The following ZFHX4 variants were observed in gnomAD, a reference collection of about 807,000 sequenced individuals.
The protein encoded by ZFHX4 is zinc finger homeobox 4.
A neutral mutation model predicts 267.6 loss-of-function variants in ZFHX4; 56 were observed. The ratio of observed to expected loss-of-function variants is 0.21; its 90% CI spans 0.17 to 0.26. ZFHX4 has a LOEUF of 0.26. Among genes scored for constraint, ZFHX4 ranks in the 10% least tolerant of loss-of-function variants. The pLI, the probability that ZFHX4 is intolerant of heterozygous loss-of-function variation, is 1.00. For missense variants in ZFHX4, 4,332 were observed against 4,420.0 expected (o/e 0.98, Z 0.56); for synonymous variants, 1,778 against 1,665.6 (o/e 1.07, Z -1.64).
Position 76,853,956 on chromosome 8 carries a change from T to C in ZFHX4, c.7035T>C (p.Asp2345=). 1.2e-6 allele frequency: 2 copies of C among 1,613,664 alleles called. No homozygotes were observed. Among genetic ancestry groups the C allele is most frequent in the Non-Finnish European group, 1.7e-6 (2 of 1,179,834 alleles). Residue 2345 remains aspartate, a synonymous_variant, in exon 10 of 11, where the codon GAT becomes GAC. Coordinates refer to ENST00000651372, the MANE Select transcript of ZFHX4 (RefSeq NM_024721.5). ...AGGATGAAGATGATGATGCCCAAGA[T>C]GAAAGCCAAACAGAAGACTCCATGG... The part of the protein sequence containing the change: ...CYKDEDDDAQ[D]ESQTEDSMDA...
intron 4 of ZFHX4, among the ~76,000 whole-genome samples, chr8:76,791,685 A>G (rs759867052): frequency 5.9e-5 from 9 of 152,148 alleles, no homozygotes; most frequent in Non-Finnish European, 1.3e-4. Context: ...TCTCAGTCTT[A>G]CTATTAAGTG....
chr8:76,833,484 T>C, intron 5 of ZFHX4, 78 bp downstream of exon 5: 2 of 1,140,948 alleles, frequency 1.8e-6, no homozygotes, highest in Non-Finnish European at 2.6e-6. Context: ...ATTGATGGAA[T>C]AAACATTCTC....
intron 4 of ZFHX4, among the ~76,000 whole-genome samples, chr8:76,814,662 G>A (rs1423677365): frequency 6.6e-6 from 1 of 152,134 alleles, no homozygotes; most frequent in African/African-American, 2.4e-5. Context: ...GCATTACTGT[G>A]TTTAATGCCA....
At chr8:76,812,436 A>C (rs1022438646) in intron 4 of ZFHX4, among the ~76,000 whole-genome samples, 4 of 152,210 alleles carry the variant, frequency 2.6e-5, no homozygotes, top group Non-Finnish European at 5.9e-5. Context: ...AGTTCTGTGC[A>C]TATTGTCTAA....
At chr8:76,753,053 G>T (rs1809663385) in intron 3 of ZFHX4, among the ~76,000 whole-genome samples, 1 of 152,154 alleles carries the variant, frequency 6.6e-6, no homozygotes, top group Non-Finnish European at 1.5e-5. Flanking sequence ...AGATAGGGTT[G>T]CAAATAGGGT....
intron 3 of ZFHX4, among the ~76,000 whole-genome samples, chr8:76,744,598 A>G (rs1357124261): frequency 1.3e-5 from 2 of 151,902 alleles, no homozygotes; most frequent in Non-Finnish European, 2.9e-5. Context: ...TTTTTCGTAG[A>G]GACAGGGTTT....
chr8:76,739,861 A>G (rs1260988419), intron 3 of ZFHX4, among the ~76,000 whole-genome samples: 1 of 152,176 alleles, frequency 6.6e-6, no homozygotes, highest in Non-Finnish European at 1.5e-5. Context: ...TTCAGGCTCT[A>G]AAATTATTAA....
Position 76,854,228 on chromosome 8 carries a change from C to G in ZFHX4, c.7307C>G (p.Ser2436Trp), listed in dbSNP as rs948348276. 22 of 1,566,264 alleles carry G rather than the reference C, an allele frequency of 1.4e-5. No homozygotes were observed. The highest frequency in any genetic ancestry group is 1.9e-5 in the Admixed American group (1 of 51,686). ...KPALPLASTSSDPPQASTAQP... is the reference protein window; with the variant it reads ...KPALPLASTSWDPPQASTAQP... ...GCCCTGCCATTAGCATCGACTTCCT[C>G]GGACCCACCACAGGCATCCACAGCC... Residue 2436 changes from serine (S) to tryptophan (W), a missense_variant, in exon 10 of 11, where the codon TCG becomes TGG. Transcript: ENST00000651372.
chr8:76,806,315 T>C (rs1200557764), intron 4 of ZFHX4, among the ~76,000 whole-genome samples: 3 of 152,132 alleles, frequency 2.0e-5, no homozygotes, highest in Non-Finnish European at 4.4e-5. Context: ...GATGGCCGTA[T>C]GAAATTCTTG....
chr8:76,863,761 A>T lies in ZFHX4; in HGVS notation c.10047A>T (p.Thr3349=). ...AGCAGAAACCAGTTCAGGCAAAGAC[A>T]TCCAAAGTAGAAAGTGACCAGCCGC... ...EQQQKPVQAK[T]SKVESDQPQN... is the part of the protein sequence containing the mutation. The change falls in exon 11 of 11, where the codon ACA becomes ACT. Residue 3349 remains threonine (T), a synonymous_variant. Transcript: ENST00000651372. The T allele has an allele frequency of 1.3e-6, 2 of 1,552,824 alleles. No homozygotes were observed. The highest frequency in any genetic ancestry group is 1.7e-6 in the Non-Finnish European group (2 of 1,147,638).
intron 3 of ZFHX4, among the ~76,000 whole-genome samples, chr8:76,758,195 AT>A (rs1809814353): frequency 1.3e-5 from 2 of 152,168 alleles, no homozygotes; most frequent in Non-Finnish European, 1.5e-5. Context: ...AGAAACAGGT[AT>A]GAAAAATGCT....
chr8:76,761,812 G>A (rs1412789460), intron 3 of ZFHX4, among the ~76,000 whole-genome samples: 2 of 152,114 alleles, frequency 1.3e-5, no homozygotes, highest in Non-Finnish European at 2.9e-5. Context: ...CTGCTTTCTG[G>A]CCTGATGTTT....
In ZFHX4 at chr8:76,833,389, A is replaced by G. The variant is rs896700597; in HGVS notation, c.3377A>G (p.Gln1126Arg). Residue 1126 changes from glutamine (Q) to arginine (R), a missense_variant, in exon 5 of 11, where the codon CAG (glutamine) becomes CGG (arginine). By Grantham distance (43) the Gln-to-Arg change is conservative. Coordinates refer to ENST00000651372, the MANE Select transcript of ZFHX4 (RefSeq NM_024721.5). Reference sequence around the variant, plus strand: ...TGTGATGATGATCTTACAGAGCAGCAGTTGAGATCGACCTCAGGTAATGGT... The same window carrying G: ...TGTGATGATGATCTTACAGAGCAGCGGTTGAGATCGACCTCAGGTAATGGT... ...RTCDDDLTEQ[Q>R]LRSTSEEQSE... The G allele has an allele frequency of 3.1e-6, 5 of 1,609,524 alleles. No homozygotes were observed. The highest frequency in any genetic ancestry group is 4.2e-6 in the Non-Finnish European group (5 of 1,177,742).
intron 10 of ZFHX4, among the ~76,000 whole-genome samples, chr8:76,856,745 C>T (rs1308459894): frequency 1.3e-5 from 2 of 151,288 alleles, no homozygotes; most frequent in Non-Finnish European, 2.9e-5. Context: ...TTTGTTTGTC[C>T]CCCCCGCCGC....
At chr8:76,777,225 A>G (rs1810422013) in intron 3 of ZFHX4, among the ~76,000 whole-genome samples, 3 of 152,178 alleles carry the variant, frequency 2.0e-5, no homozygotes, top group Non-Finnish European at 4.4e-5. Flanking sequence ...AAAATGGGGG[A>G]AAAGTTTTTT....
chr8:76,693,081 C>T (rs1370052085), intron 1 of ZFHX4, among the ~76,000 whole-genome samples: 1 of 152,198 alleles, frequency 6.6e-6, no homozygotes, highest in Non-Finnish European at 1.5e-5. Context: ...AATAAAACTG[C>T]AGCCTCCATG....
chr8:76,805,662 G>A (rs1441311631), intron 4 of ZFHX4, among the ~76,000 whole-genome samples: 1 of 149,508 alleles, frequency 6.7e-6, no homozygotes, highest in Non-Finnish European at 1.5e-5. Context: ...GGATTATGTT[G>A]TCCCTTAGAT....
chr8:76,851,745 G>A lies in ZFHX4; in HGVS notation c.4824G>A (p.Leu1608=). ...TTGCATACAGCCAAAGCTCAACATT[G>A]GAAATCCACATGAGGTCTGTGCTCC... ...CNVAYSQSST[L]EIHMRSVLHQ... is the part of the protein sequence containing the mutation. Residue 1608 remains leucine, a synonymous_variant, in exon 10 of 11, where the codon TTG becomes TTA. Coordinates refer to ENST00000651372, the MANE Select transcript of ZFHX4 (RefSeq NM_024721.5). 6.2e-7 allele frequency: 1 copy of A among 1,613,952 alleles called. No homozygotes were observed. Among genetic ancestry groups the A allele is most frequent in the Non-Finnish European group, 8.5e-7 (1 of 1,179,888 alleles).
intron 4 of ZFHX4, among the ~76,000 whole-genome samples, chr8:76,783,350 C>T (rs1292956794): frequency 6.6e-6 from 1 of 151,932 alleles, no homozygotes; most frequent in Non-Finnish European, 1.5e-5. Flanking sequence ...TGCTCGGTTG[C>T]TTTCTGATTT....
Sources: gnomAD v4.1 joint callset for allele counts (sites outside exome capture counted in the v4.1 genomes callset) on GRCh38, gnomAD v4.1.1 for gene constraint, MANE v1.5 for transcripts, NCBI Gene and HGNC (gene_info 2026-07-23, HGNC 2026-07-21) for gene names.